Variants in GLIS3 observed in about 807,000 individuals in gnomAD.
GLIS3 encodes the protein GLIS family zinc finger 3, also known as zinc finger protein GLIS3.
In GLIS3, 53 loss-of-function variants were observed where a neutral mutation model predicts 78.6. The ratio of observed to expected loss-of-function variants is 0.67; its 90% CI spans 0.54 to 0.85. The LOEUF (loss-of-function observed/expected upper bound fraction) is 0.85. Among genes scored for constraint, GLIS3 ranks in the 40% least tolerant of loss-of-function variants. The pLI, the probability that GLIS3 is intolerant of heterozygous loss-of-function variation, is 0.00. For synonymous variants in GLIS3, 684 were observed against 509.9 expected, an observed-to-expected ratio of 1.34 and a Z score of -4.60; for missense variants, 1,703 against 1,231.1, an observed-to-expected ratio of 1.38 and a Z score of -5.74.
intron 4 of GLIS3, among the ~76,000 whole-genome samples, chr9:4,016,991 A>G (rs1012411227): frequency 6.6e-6 from 1 of 152,184 alleles, no homozygotes; most frequent in Non-Finnish European, 1.5e-5. Context: ...AATGCTTTCA[A>G]TGTCCAGGAA....
chr9:3,842,240 G>C (rs370700811), intron 9 of GLIS3, among the ~76,000 whole-genome samples: 1 of 152,156 alleles, frequency 6.6e-6, no homozygotes, highest in Non-Finnish European at 1.5e-5. Flanking sequence ...TTGGGAGGCC[G>C]AGATGGGTGG....
At chr9:4,197,094 T>A (rs1026769213) in intron 2 of GLIS3, among the ~76,000 whole-genome samples, 1 of 151,886 alleles carries the variant, frequency 6.6e-6, no homozygotes, top group African/African-American at 2.4e-5. Context: ...CTAGCCTATA[T>A]CAGCAGCCTG....
At chr9:4,419,089 G>A in the GLIS3 span, among the ~76,000 whole-genome samples, 2 of 152,218 alleles carry the variant, frequency 1.3e-5, no homozygotes, top group African/African-American at 2.4e-5. Context: ...GCTGAGAGCT[G>A]GAATTTTAAA....
chr9:4,236,329 G>A (rs1049087453), intron 2 of GLIS3, among the ~76,000 whole-genome samples: 1 of 152,058 alleles, frequency 6.6e-6, no homozygotes, highest in Non-Finnish European at 1.5e-5. Flanking sequence ...ACATCAGTAC[G>A]TCTCCTTCAC....
the GLIS3 span, among the ~76,000 whole-genome samples, chr9:4,410,061 C>A: frequency 6.6e-6 from 1 of 152,062 alleles, no homozygotes; most frequent in East Asian, 1.9e-4. Context: ...AACTCTGCCT[C>A]CCAGATTCAA....
At chr9:4,420,206 G>A in the GLIS3 span, among the ~76,000 whole-genome samples, 1 of 152,118 alleles carries the variant, frequency 6.6e-6, no homozygotes, top group African/African-American at 2.4e-5. Context: ...CACTGAAGAG[G>A]GGGCCACATG....
chr9:3,851,842 G>C (rs1334019701), intron 9 of GLIS3, among the ~76,000 whole-genome samples: 1 of 152,118 alleles, frequency 6.6e-6, no homozygotes, highest in African/African-American at 2.4e-5. Context: ...ACATGTTTTT[G>C]ATTAAGAATA....
intron 9 of GLIS3, among the ~76,000 whole-genome samples, chr9:3,841,010 C>T (rs1250317096): frequency 6.6e-6 from 1 of 152,040 alleles, no homozygotes; most frequent in Admixed American, 6.6e-5. Context: ...AAGGTTCAAA[C>T]AAGGGGATGG....
intron 2 of GLIS3, among the ~76,000 whole-genome samples, chr9:4,253,640 T>C (rs1016846629): frequency 6.6e-6 from 1 of 152,156 alleles, no homozygotes; most frequent in African/African-American, 2.4e-5. Context: ...TAGCGTTCCA[T>C]GTGCCACTGA....
intron 2 of GLIS3, among the ~76,000 whole-genome samples, chr9:4,159,497 T>C (rs1312762493): frequency 6.6e-6 from 1 of 152,098 alleles, no homozygotes; most frequent in African/African-American, 2.4e-5. Context: ...GGCAGGTGGA[T>C]CACTTGAGGT....
At chr9:4,420,024 A>G in the GLIS3 span, among the ~76,000 whole-genome samples, 15 of 152,282 alleles carry the variant, frequency 9.9e-5, no homozygotes, top group African/African-American at 3.6e-4. Flanking sequence ...ATACACTGAG[A>G]GTAGTTATGG....
intron 4 of GLIS3, among the ~76,000 whole-genome samples, chr9:3,979,686 C>T (rs1190689251): frequency 3.3e-5 from 5 of 152,192 alleles, no homozygotes; most frequent in African/African-American, 1.2e-4. Context: ...TTATGGATGT[C>T]TGGTACCTGT....
chr9:3,955,202 G>A (rs1817017281), intron 4 of GLIS3, among the ~76,000 whole-genome samples: 1 of 152,156 alleles, frequency 6.6e-6, no homozygotes, highest in South Asian at 2.1e-4. Context: ...AAGATGGCCC[G>A]CATGAGTCAG....
At chr9:4,224,762 C>G (rs1293143771) in intron 2 of GLIS3, among the ~76,000 whole-genome samples, 1 of 149,412 alleles carries the variant, frequency 6.7e-6, no homozygotes, top group Non-Finnish European at 1.5e-5. Context: ...CTGCTTTTAA[C>G]TGTTTTTGGA....
chr9:4,188,236 C>A (rs1397282230), intron 2 of GLIS3, among the ~76,000 whole-genome samples: 3 of 151,586 alleles, frequency 2.0e-5, no homozygotes, highest in Non-Finnish European at 4.4e-5. Flanking sequence ...AAGGCCTTTT[C>A]TGCATCTATT....
chr9:4,245,370 C>A (rs1563821679), intron 2 of GLIS3, among the ~76,000 whole-genome samples: 1 of 152,166 alleles, frequency 6.6e-6, no homozygotes, highest in Admixed American at 6.5e-5. Flanking sequence ...GACCCAAATT[C>A]GGGTGCGAAC....
the GLIS3 span, among the ~76,000 whole-genome samples, chr9:4,457,539 C>T: frequency 6.6e-6 from 1 of 151,878 alleles, no homozygotes; most frequent in Non-Finnish European, 1.5e-5. Context: ...GCCCTGTAAT[C>T]AAATAACGAC....
intron 4 of GLIS3, among the ~76,000 whole-genome samples, chr9:4,012,358 C>G (rs1822083201): frequency 6.6e-6 from 1 of 152,024 alleles, no homozygotes. Flanking sequence ...TTTTGAAGAA[C>G]CAATATAGAA....
intron 2 of GLIS3, among the ~76,000 whole-genome samples, chr9:4,268,614 T>A (rs1320752786): frequency 6.6e-6 from 1 of 152,228 alleles, no homozygotes; most frequent in Non-Finnish European, 1.5e-5. Context: ...AAAGGTATTA[T>A]TATTCATAGG....
Sources: gnomAD v4.1 joint callset for allele counts (sites outside exome capture counted in the v4.1 genomes callset) on GRCh38, gnomAD v4.1.1 for gene constraint, MANE v1.5 for transcripts, NCBI Gene and HGNC (gene_info 2026-07-23, HGNC 2026-07-21) for gene names.